Variants in CFDP1 observed in about 807,000 individuals in gnomAD.
CFDP1 encodes the protein heterochromatin-stabilizing protein CFDP1.
A neutral mutation model predicts 40.1 loss-of-function variants in CFDP1; 31 were observed. The observed-to-expected ratio is 0.77, with a 90% confidence interval of 0.58 to 1.04. The LOEUF is 1.04. Ranked by LOEUF, CFDP1 falls within the 50% of genes least tolerant of loss-of-function variation. The probability of loss-of-function intolerance (pLI) is 0.00; values close to 1 mark genes in which losing one functional copy is unlikely to be tolerated. For missense variants in CFDP1, 423 were observed against 343.4 expected, an observed-to-expected ratio of 1.23 and a Z score of -1.83; for synonymous variants, 167 against 120.0, an observed-to-expected ratio of 1.39 and a Z score of -2.56.
intron 6 of CFDP1, among the ~76,000 whole-genome samples, chr16:75,298,828 G>A (rs533899709): frequency 6.6e-6 from 1 of 152,328 alleles, no homozygotes; most frequent in African/African-American, 2.4e-5. Flanking sequence ...TTCTGAAAGA[G>A]TGACCCTGAG....
chr16:75,406,317 T>C (rs894314202), intron 4 of CFDP1, among the ~76,000 whole-genome samples: 6 of 151,452 alleles, frequency 4.0e-5, no homozygotes, highest in African/African-American at 7.3e-5. Context: ...ATCATGGCTG[T>C]AGTGGGCCAT....
intron 5 of CFDP1, among the ~76,000 whole-genome samples, chr16:75,367,842 C>T (rs1039560277): frequency 1.4e-4 from 21 of 150,430 alleles, no homozygotes; most frequent in Admixed American, 9.3e-4. Context: ...TGGTGGCTCA[C>T]GCCTGTAATT....
chr16:75,420,507 A>T (rs993618241), intron 1 of CFDP1, among the ~76,000 whole-genome samples: 3 of 152,236 alleles, frequency 2.0e-5, no homozygotes, highest in Non-Finnish European at 4.4e-5. Context: ...CTTTTCAGCT[A>T]TCTATGCCAT....
At chr16:75,318,102 G>A (rs2078336252) in intron 5 of CFDP1, among the ~76,000 whole-genome samples, 1 of 151,968 alleles carries the variant, frequency 6.6e-6, no homozygotes, top group Admixed American at 6.6e-5. Context: ...GCGCGCCACT[G>A]CACTCCAGCC....
chr16:75,415,635 T>C (rs2079196574), intron 1 of CFDP1, among the ~76,000 whole-genome samples: 1 of 152,234 alleles, frequency 6.6e-6, no homozygotes, highest in Admixed American at 6.5e-5. Context: ...CTCTTCTGTG[T>C]CTGGCTTCTT....
chr16:75,365,595 T>C (rs370121276), intron 5 of CFDP1, among the ~76,000 whole-genome samples: 1 of 152,116 alleles, frequency 6.6e-6, no homozygotes, highest in African/African-American at 2.4e-5. Flanking sequence ...CCAGTGCTTG[T>C]AGCACTAGCT....
chr16:75,432,486 G>C (rs1230033699), intron 1 of CFDP1, among the ~76,000 whole-genome samples: 1 of 151,878 alleles, frequency 6.6e-6, no homozygotes, highest in Non-Finnish European at 1.5e-5. Flanking sequence ...AGGAGTCTGA[G>C]GTTGCAGTGA....
At chr16:75,367,232 T>C (rs920993371) in intron 5 of CFDP1, among the ~76,000 whole-genome samples, 2 of 151,196 alleles carry the variant, frequency 1.3e-5, no homozygotes, top group African/African-American at 4.9e-5. Context: ...ATGAATTTTA[T>C]GGTATGATAA....
At chr16:75,423,719 T>A (rs1243433610) in intron 1 of CFDP1, among the ~76,000 whole-genome samples, 1 of 152,128 alleles carries the variant, frequency 6.6e-6, no homozygotes, top group Non-Finnish European at 1.5e-5. Context: ...TTTCACCACG[T>A]TAGCCAGGAT....
chr16:75,296,484 C>T (rs1393746454), intron 6 of CFDP1, among the ~76,000 whole-genome samples: 1 of 150,232 alleles, frequency 6.7e-6, no homozygotes, highest in African/African-American at 2.4e-5. Context: ...CGATCCTCAC[C>T]TTGGCCTCCC....
intron 5 of CFDP1, among the ~76,000 whole-genome samples, chr16:75,345,635 T>C (rs72787110): frequency 0.07 from 10,632 of 152,160 alleles, 469 homozygotes; most frequent in Non-Finnish European, 0.097. Context: ...ACAAAGACCC[T>C]GTCTCTTAAA....
chr16:75,335,788 C>T (rs974689368), intron 5 of CFDP1, among the ~76,000 whole-genome samples: 1 of 152,068 alleles, frequency 6.6e-6, no homozygotes, highest in African/African-American at 2.4e-5. Flanking sequence ...GATCTCCTGA[C>T]CTTGTGATCC....
At chr16:75,378,206 G>C (rs1169477863) in intron 5 of CFDP1, among the ~76,000 whole-genome samples, 1 of 152,082 alleles carries the variant, frequency 6.6e-6, no homozygotes, top group Non-Finnish European at 1.5e-5. Flanking sequence ...TCTACAACTA[G>C]AGGACAAGTC....
intron 5 of CFDP1, among the ~76,000 whole-genome samples, chr16:75,356,914 T>TC (rs1334302759): frequency 3.6e-4 from 51 of 142,274 alleles, no homozygotes; most frequent in African/African-American, 8.0e-4. Context: ...TTTCTTTCTT[T>TC]TTTTTTTTTT....
chr16:75,351,878 C>T (rs1384210442), intron 5 of CFDP1, among the ~76,000 whole-genome samples: 1 of 151,238 alleles, frequency 6.6e-6, no homozygotes, highest in Non-Finnish European at 1.5e-5. Context: ...TGTGGTGGCA[C>T]ACGCCTATAA....
At chr16:75,431,567 A>C (rs966218763) in intron 1 of CFDP1, among the ~76,000 whole-genome samples, 44 of 151,906 alleles carry the variant, frequency 2.9e-4, no homozygotes, top group African/African-American at 8.7e-4. Context: ...TGAACCGGGA[A>C]GGCAGAGGCC....
chr16:75,340,214 G>A (rs1422844227), intron 5 of CFDP1, among the ~76,000 whole-genome samples: 1 of 152,154 alleles, frequency 6.6e-6, no homozygotes, highest in Non-Finnish European at 1.5e-5. Context: ...CGATGATCCT[G>A]TAACAGAGGT....
chr16:75,296,777 G>C (rs1012711042), intron 6 of CFDP1, among the ~76,000 whole-genome samples: 4 of 152,158 alleles, frequency 2.6e-5, no homozygotes, highest in African/African-American at 9.7e-5. Context: ...CCCAGACAAA[G>C]GCCATCAAGG....
intron 5 of CFDP1, among the ~76,000 whole-genome samples, chr16:75,324,388 C>G (rs1237479604): frequency 6.6e-6 from 1 of 152,100 alleles, no homozygotes; most frequent in Non-Finnish European, 1.5e-5. Context: ...GTTGTCCTCA[C>G]TCTTATCCTC....
Sources: gnomAD v4.1 joint callset for allele counts (sites outside exome capture counted in the v4.1 genomes callset) on GRCh38, gnomAD v4.1.1 for gene constraint, MANE v1.5 for transcripts, NCBI Gene and HGNC (gene_info 2026-07-23, HGNC 2026-07-21) for gene names.